Variants in TMEM132C observed in about 807,000 individuals in gnomAD.
TMEM132C encodes the protein transmembrane protein 132C, also known as protein phosphatase 1, regulatory subunit 152.
A neutral mutation model predicts 61.4 loss-of-function variants in TMEM132C; 29 were observed. That is an observed-to-expected ratio of 0.47 (90% CI 0.35 to 0.64). TMEM132C has a LOEUF of 0.64. Among genes scored for constraint, TMEM132C ranks in the 30% least tolerant of loss-of-function variants. The pLI is 0.00. For missense variants in TMEM132C, 1,408 were observed against 1,476.9 expected (o/e 0.95, Z 0.76); for synonymous variants, 656 against 633.1 (o/e 1.04, Z -0.54).
chr12:128,395,185 CAT>C (rs1486521177), intron 1 of TMEM132C, among the ~76,000 whole-genome samples: 7 of 149,972 alleles, frequency 4.7e-5, no homozygotes, highest in South Asian at 2.1e-4. Flanking sequence ...AATACTAAAT[CAT>C]ATTTAATTAA....
chr12:128,703,747 A>C (rs1356767940), intron 8 of TMEM132C, among the ~76,000 whole-genome samples: 1 of 152,234 alleles, frequency 6.6e-6, no homozygotes, highest in Non-Finnish European at 1.5e-5. Context: ...GCATGTGAGC[A>C]CAGTTCTTAA....
intron 1 of TMEM132C, among the ~76,000 whole-genome samples, chr12:128,349,590 T>C (rs1395310659): frequency 6.6e-6 from 1 of 152,226 alleles, no homozygotes; most frequent in Non-Finnish European, 1.5e-5. Context: ...TCATAGGTTC[T>C]TGTCAAATTG....
intron 1 of TMEM132C, among the ~76,000 whole-genome samples, chr12:128,319,365 G>C (rs1389043590): frequency 6.7e-6 from 1 of 149,662 alleles, no homozygotes; most frequent in African/African-American, 2.4e-5. Context: ...GAGAGAGAGA[G>C]AGAGAGACAG....
At chr12:128,578,833 A>C (rs1274512445) in intron 3 of TMEM132C, among the ~76,000 whole-genome samples, 1 of 152,090 alleles carries the variant, frequency 6.6e-6, no homozygotes, top group African/African-American at 2.4e-5. Context: ...CCTGACTTCA[A>C]GTGATCTGCC....
At chr12:128,510,149 C>A (rs1009159479) in intron 2 of TMEM132C, among the ~76,000 whole-genome samples, 1 of 152,152 alleles carries the variant, frequency 6.6e-6, no homozygotes, top group African/African-American at 2.4e-5. Flanking sequence ...GGAGAAGGAT[C>A]GGGGACCTGG....
chr12:128,558,762 G>C (rs910393563), intron 3 of TMEM132C, among the ~76,000 whole-genome samples: 4 of 152,238 alleles, frequency 2.6e-5, no homozygotes, highest in Admixed American at 6.5e-5. Context: ...CAACCTGTAG[G>C]TAAAAGAGAG....
chr12:128,326,256 C>T lies in TMEM132C; in HGVS notation c.85+58769C>T, dbSNP rs983032303. On this transcript the variant is annotated intron_variant, in intron 1 of 8. Transcript: ENST00000435159. This position sits in a 1 kb window ranked among gnomAD's most constrained non-coding sequence, Gnocchi z 5.6. ...TTGGTTTGAGCACCTCCATTCCTCC[C>T]CACCACCATCACTCCATGAACCCCC... is the stretch of plus-strand genomic sequence containing the variant. Among the ~76,000 whole-genome samples, 1 of 152,124 alleles carries T rather than the reference C, an allele frequency of 6.6e-6. No individual in the cohort carries two copies. Among genetic ancestry groups the T allele is most frequent in the Non-Finnish European group, 1.5e-5 (1 of 68,020 alleles).
chr12:128,343,253 G>A (rs554406178), intron 1 of TMEM132C, among the ~76,000 whole-genome samples: 3 of 152,056 alleles, frequency 2.0e-5, no homozygotes, highest in South Asian at 2.1e-4. Context: ...GTGAAACCCC[G>A]TCTCTACTAA....
At chr12:128,559,918 A>G (rs150711426) in intron 3 of TMEM132C, among the ~76,000 whole-genome samples, 1 of 152,286 alleles carries the variant, frequency 6.6e-6, no homozygotes, top group African/African-American at 2.4e-5. Flanking sequence ...TGCCAGCACC[A>G]TCTTTCTTTT....
At chr12:128,503,570 G>T (rs1242630341) in intron 2 of TMEM132C, among the ~76,000 whole-genome samples, 1 of 152,226 alleles carries the variant, frequency 6.6e-6, no homozygotes, top group Non-Finnish European at 1.5e-5. Context: ...AATCTTCTTA[G>T]ATTGGTTCAC....
intron 1 of TMEM132C, among the ~76,000 whole-genome samples, chr12:128,302,245 G>A (rs1312841455): frequency 6.6e-6 from 1 of 152,144 alleles, no homozygotes; most frequent in Non-Finnish European, 1.5e-5. Context: ...TGTATCATTG[G>A]CACCAAATAA....
chr12:128,531,194 G>A (rs183792078), intron 2 of TMEM132C, among the ~76,000 whole-genome samples: 1 of 152,362 alleles, frequency 6.6e-6, no homozygotes, highest in East Asian at 1.9e-4. Flanking sequence ...AATAGAGTTA[G>A]AAGTAGCAAC....
chr12:128,354,052 C>T (rs1239807326), intron 1 of TMEM132C, among the ~76,000 whole-genome samples: 2 of 152,164 alleles, frequency 1.3e-5, no homozygotes, highest in Non-Finnish European at 2.9e-5. Flanking sequence ...GCAGATCTTG[C>T]CAGGGTGGCT....
chr12:128,329,115 T>A (rs1333870006), intron 1 of TMEM132C, among the ~76,000 whole-genome samples: 2 of 152,200 alleles, frequency 1.3e-5, no homozygotes. Flanking sequence ...CAGACATCAT[T>A]GGCCAAGGCA....
In TMEM132C at chr12:128,568,976, G is replaced by A. The variant is rs12320864; in HGVS notation, c.1121+24873G>A. Reference sequence around the variant, plus strand: ...ACTCACTCTTCTAGGACTGAGTGACGGAAGAGACTGAGACCCTGCTCTCTC... The same window carrying A: ...ACTCACTCTTCTAGGACTGAGTGACAGAAGAGACTGAGACCCTGCTCTCTC... On this transcript the variant is annotated intron_variant, in intron 3 of 8. Transcript: ENST00000435159. 9.2e-3 allele frequency among the ~76,000 whole-genome samples: 1,394 copies of A among 152,284 alleles called. 28 individuals are homozygous for A. The highest frequency in any genetic ancestry group is 0.028 in the African/African-American group (1,147 of 41,558).
intron 3 of TMEM132C, among the ~76,000 whole-genome samples, chr12:128,559,586 T>C (rs1874446656): frequency 6.6e-6 from 1 of 152,218 alleles, no homozygotes; most frequent in Non-Finnish European, 1.5e-5. Flanking sequence ...CACACGTTCC[T>C]CATAAGCTGT....
intron 1 of TMEM132C, 43 bp from the exon 2 acceptor site, chr12:128,414,689 T>C: frequency 6.8e-7 from 1 of 1,469,854 alleles, no homozygotes; most frequent in South Asian, 1.4e-5. Context: ...CCATTAATAA[T>C]CCTGTCTTTG....
chr12:128,475,160 G>A (rs1380391971), intron 2 of TMEM132C, among the ~76,000 whole-genome samples: 1 of 152,102 alleles, frequency 6.6e-6, no homozygotes, highest in Non-Finnish European at 1.5e-5. Context: ...ACCACTAGCA[G>A]GTGGGGAGGT....
chr12:128,448,407 C>A (rs756525724), intron 2 of TMEM132C, among the ~76,000 whole-genome samples: 1 of 152,224 alleles, frequency 6.6e-6, no homozygotes, highest in African/African-American at 2.4e-5. Context: ...AACTGCCAGT[C>A]AGCTAGGCAG....
Sources: allele counts gnomAD v4.1 joint callset (sites outside exome capture counted in the v4.1 genomes callset), GRCh38; gene constraint gnomAD v4.1.1; non-coding constraint Gnocchi (gnomAD v3.1); transcripts MANE v1.5; gene names NCBI Gene and HGNC (gene_info 2026-07-23, HGNC 2026-07-21).